CRAMP1: variants seen among roughly 807,000 people sequenced by gnomAD.
The protein encoded by CRAMP1 is protein cramped-like.
A neutral mutation model predicts 115.4 loss-of-function variants in CRAMP1; 50 were observed. The ratio of observed to expected loss-of-function variants is 0.43; its 90% CI spans 0.35 to 0.55. The LOEUF (loss-of-function observed/expected upper bound fraction) is 0.55, where lower values mean the gene tolerates loss of function less well. Among genes scored for constraint, CRAMP1 ranks in the 20% least tolerant of loss-of-function variants. CRAMP1 has a pLI of 0.01. For missense variants in CRAMP1, 1,679 were observed against 1,721.7 expected (o/e 0.98, Z 0.44); for synonymous variants, 866 against 745.4 (o/e 1.16, Z -2.64).
rs183246197 is a variant in CRAMP1, at chr16:1,626,855, T to A, written c.540+689T>A. The stretch of plus-strand genomic sequence containing the variant: ...CTTGCCTGTGTGCTCACTGTGTGCT[T>A]TTGTAAAAACATCATATTGGAGCAC... On this transcript the variant is annotated intron_variant, in intron 3 of 20. Coordinates refer to ENST00000397412, the MANE Select transcript of CRAMP1 (RefSeq NM_020825.4). Among the ~76,000 whole-genome samples, 39 of 152,362 alleles carry A rather than the reference T, an allele frequency of 2.6e-4. No homozygotes were observed. In the East Asian group the frequency reaches 7.5e-3, roughly 29 times the overall value.
At chr16:1,651,588 GC>G (rs2036723558) in intron 6 of CRAMP1, among the ~76,000 whole-genome samples, 1 of 147,392 alleles carries the variant, frequency 6.8e-6, no homozygotes, top group African/African-American at 2.5e-5. Flanking sequence ...GGAGAGGTGG[GC>G]TGAGGTCACA....
rs541263957 is a variant in CRAMP1, at chr16:1,634,660, G to A, written c.694+2295G>A. Among the ~76,000 whole-genome samples, 9 of 152,014 alleles carry A rather than the reference G, an allele frequency of 5.9e-5. 1 individual carries two copies. In the South Asian group the frequency reaches 1.9e-3, roughly 32 times the overall value. ...GTGCCTTCTTCCTGTTGAGCTCACC[G>A]TTCTCCCGTGTTCTCCCGGGTTCTC... On this transcript the variant is annotated intron_variant, in intron 4 of 20. Coordinates refer to ENST00000397412, the MANE Select transcript of CRAMP1 (RefSeq NM_020825.4).
chr16:1,651,075 A>T (rs2036718222), intron 6 of CRAMP1, among the ~76,000 whole-genome samples: 1 of 151,654 alleles, frequency 6.6e-6, no homozygotes, highest in South Asian at 2.1e-4. Context: ...GGTCACGGAG[A>T]AGTGGACTGA....
chr16:1,640,476 T>C (rs1157798003), intron 5 of CRAMP1, among the ~76,000 whole-genome samples: 1 of 152,150 alleles, frequency 6.6e-6, no homozygotes, highest in Non-Finnish European at 1.5e-5. Context: ...TTGTGGAGTT[T>C]TTTTCCCTAA....
At position 1,656,444 on chromosome 16, in the gene CRAMP1, C is replaced by A; in HGVS notation, c.1687C>A (p.Arg563Ser). Residue 563 changes from arginine (R) to serine (S), a missense_variant, in exon 10 of 21, where the codon CGC becomes AGC. Coordinates refer to ENST00000397412, the MANE Select transcript of CRAMP1 (RefSeq NM_020825.4). The surrounding 1 kb of genome is among the most constrained non-coding windows in gnomAD (Gnocchi z 5.6). ...DELSLLDPLP[R>S]YLKSCQDLIV... ...GCTCTCGCTTCTAGACCCCTTGCCC[C>A]GCTACCTAAAGTCCTGTCAGGACCT... is the stretch of plus-strand genomic sequence containing the variant. The A allele has an allele frequency of 6.3e-7, 1 of 1,584,042 alleles. No homozygotes were observed.
Position 1,659,951 on chromosome 16 carries a change from G to C in CRAMP1, c.2301G>C (p.Thr767=), listed in dbSNP as rs539483291. ...CCGCCCAGGAGGAGCAGTCGATGAC[G>C]CCCCCAGGGAAGGTGGTGACCGTCA... The part of the protein sequence containing the change: ...VRPAQEEQSM[T]PPGKVVTVSS... Residue 767 remains threonine, a synonymous_variant, in exon 11 of 21, where the codon ACG becomes ACC. Transcript: ENST00000397412. 23 of 1,611,116 alleles carry C rather than the reference G, an allele frequency of 1.4e-5. No individual in the cohort carries two copies. The African/African-American group carries it at 2.1e-4, about 15-fold the overall frequency.
chr16:1,634,857 A>G (rs886566936), intron 4 of CRAMP1, among the ~76,000 whole-genome samples: 9 of 152,178 alleles, frequency 5.9e-5, no homozygotes, highest in African/African-American at 2.2e-4. Flanking sequence ...CAGAGTGGCA[A>G]CTTTTTCACG....
At position 1,669,555 on chromosome 16, in the gene CRAMP1, C is replaced by G. The variant is rs568370826; in HGVS notation, c.3499+390C>G. ...GTCTTGGCACTCTCTTGGCTCTTCT[C>G]TTTCTGTGGTCAGTAAGGTATTCAG... On this transcript the variant is annotated intron_variant, in intron 19 of 20. Transcript: ENST00000397412. This position sits in a 1 kb window ranked among gnomAD's most constrained non-coding sequence, Gnocchi z 4.6. Among the ~76,000 whole-genome samples the G allele has an allele frequency of 9.9e-5, 15 of 152,224 alleles. No homozygotes were observed. Among genetic ancestry groups the G allele is most frequent in the African/African-American group, 3.6e-4 (15 of 41,456 alleles).
intron 4 of CRAMP1, among the ~76,000 whole-genome samples, chr16:1,634,052 G>A (rs2036567489): frequency 6.6e-6 from 1 of 152,002 alleles, no homozygotes; most frequent in Non-Finnish European, 1.5e-5. Flanking sequence ...AAGAAAGTCA[G>A]TCCATGAGAG....
chr16:1,660,185 G>A (rs145250994), intron 11 of CRAMP1, 122 bp downstream of exon 11: 12,461 of 782,100 alleles, frequency 0.016, 141 homozygotes, highest in Middle Eastern at 0.033. Flanking sequence ...TGGCCAGCTC[G>A]CCACTATCCA....
intron 9 of CRAMP1, 55 bp from the exon 10 acceptor site, chr16:1,655,822 T>C: frequency 7.1e-6 from 11 of 1,558,808 alleles, no homozygotes; most frequent in Non-Finnish European, 9.6e-6. Context: ...ATGTGCCTGG[T>C]CAGCATCCCG....
Position 1,656,394 on chromosome 16 carries a change from G to A in CRAMP1, c.1637G>A (p.Gly546Asp). The change falls in exon 10 of 21, where the codon GGC (glycine) becomes GAC (aspartate). Residue 546 changes from glycine (G) to aspartate (D), a missense_variant. Gly to Asp is a moderately conservative substitution (Grantham distance 94). Around this residue, in one of 8 missense-constraint regions of CRAMP1, gnomAD observed 405 missense variants for 302.6 expected, o/e 1.34. Coordinates refer to ENST00000397412, the MANE Select transcript of CRAMP1 (RefSeq NM_020825.4). The surrounding 1 kb of genome is among the most constrained non-coding windows in gnomAD (Gnocchi z 5.6). ...REPGALPCACGQLPDLEDELS... is the reference protein window; with the variant it reads ...REPGALPCACDQLPDLEDELS... The stretch of plus-strand genomic sequence containing the variant: ...CCAGGGGCCTTGCCGTGTGCCTGTG[G>A]CCAGCTCCCAGACCTGGAGGACGAG... 6.3e-7 allele frequency: 1 copy of A among 1,594,306 alleles called. No homozygotes were observed. Among genetic ancestry groups the A allele is most frequent in the Non-Finnish European group, 8.5e-7 (1 of 1,170,526 alleles).
intron 3 of CRAMP1, among the ~76,000 whole-genome samples, chr16:1,627,149 CTTT>C (rs879787589): frequency 1.4e-5 from 2 of 144,952 alleles, no homozygotes. Context: ...GAGCCTTGTT[CTTT>C]TTTTTTTTTT....
rs2036881706 is a variant in CRAMP1, at chr16:1,666,968, C to T, written c.3037-367C>T. The stretch of plus-strand genomic sequence containing the variant: ...GCCTGTATGGCCTTGGCCATTGCTC[C>T]TTTCCAAGGCTCTGAGCACCTGGTT... On this transcript the variant is annotated intron_variant, in intron 16 of 20. Transcript: ENST00000397412. This position sits in a 1 kb window ranked among gnomAD's most constrained non-coding sequence, Gnocchi z 5.0. Among the ~76,000 whole-genome samples the T allele has an allele frequency of 6.6e-6, 1 of 152,248 alleles. No homozygotes were observed. The highest frequency in any genetic ancestry group is 1.5e-5 in the Non-Finnish European group (1 of 68,050).
At chr16:1,652,972 C>T (rs908062283) in intron 7 of CRAMP1, 61 bp from the exon 8 acceptor site, 1 of 1,600,816 alleles carries the variant, frequency 6.2e-7, no homozygotes, top group Non-Finnish European at 8.5e-7. Context: ...CTGGCCCAGC[C>T]CTTGGTTTTC....
chr16:1,628,738 C>T (rs763017519), intron 3 of CRAMP1, among the ~76,000 whole-genome samples: 18 of 152,226 alleles, frequency 1.2e-4, no homozygotes, highest in Admixed American at 3.9e-4. Context: ...TCATGGCCAC[C>T]GCTGCCTTTT....
At chr16:1,650,088 C>T (rs1006576628) in intron 6 of CRAMP1, among the ~76,000 whole-genome samples, 2 of 152,194 alleles carry the variant, frequency 1.3e-5, no homozygotes, top group African/African-American at 2.4e-5. Context: ...GCCACCGTGC[C>T]CGGCTTGTTT....
In CRAMP1 at chr16:1,673,943, C is replaced by T. The variant is rs764612462; in HGVS notation, c.3708C>T (p.Phe1236=). 13 of 1,613,584 alleles carry T rather than the reference C, an allele frequency of 8.1e-6. No individual in the cohort carries two copies. The highest frequency in any genetic ancestry group is 1.7e-5 in the Admixed American group (1 of 60,012). The change falls in exon 21 of 21, where the codon TTC becomes TTT. Residue 1236 remains phenylalanine, a synonymous_variant. Transcript: ENST00000397412. ...NENSIDYISR[F]NDLAQELSIA... ...ACAGCATTGATTACATTTCTCGGTT[C>T]AATGACCTGGCCCAAGAGCTGTCCA...
Position 1,669,024 on chromosome 16 carries a change from G to A in CRAMP1, c.3358G>A (p.Ala1120Thr). ...AGGTGAAGGAGTCCCTCTTTCTCCAGCAAAACTGAATGGCAGTGACAGTTC... is the reference window on the plus strand; with the variant it reads ...AGGTGAAGGAGTCCCTCTTTCTCCAACAAAACTGAATGGCAGTGACAGTTC... ...QYGEGVPLSP[A>T]KLNGSDSSKS... is the part of the protein sequence containing the mutation. The change falls in exon 19 of 21, where the codon GCA becomes ACA. Residue 1120 changes from alanine to threonine, a missense_variant. Ala to Thr is a moderately conservative substitution (Grantham distance 58). Coordinates refer to ENST00000397412, the MANE Select transcript of CRAMP1 (RefSeq NM_020825.4). The surrounding 1 kb of genome is among the most constrained non-coding windows in gnomAD (Gnocchi z 4.6). 1 of 1,613,180 alleles carries A rather than the reference G, an allele frequency of 6.2e-7. No individual in the cohort carries two copies. Among genetic ancestry groups the A allele is most frequent in the Non-Finnish European group, 8.5e-7 (1 of 1,179,564 alleles).
Sources: gnomAD v4.1 joint callset for allele counts (sites outside exome capture counted in the v4.1 genomes callset) on GRCh38, gnomAD v4.1.1 for gene constraint, gnomAD v4.1.1 regional missense constraint, Gnocchi (gnomAD v3.1) non-coding constraint, MANE v1.5 for transcripts, NCBI Gene and HGNC (gene_info 2026-07-23, HGNC 2026-07-21) for gene names.